The following CNTNAP3 variants were observed in gnomAD, a reference collection of about 807,000 sequenced individuals.
CNTNAP3 encodes the protein contactin-associated protein-like 3.
CNTNAP3 carries 36 observed loss-of-function variants against 92.1 expected under a neutral mutation model. The ratio of observed to expected loss-of-function variants is 0.39; its 90% CI spans 0.30 to 0.52. The LOEUF (loss-of-function observed/expected upper bound fraction) is 0.52. Among genes scored for constraint, CNTNAP3 ranks in the 20% least tolerant of loss-of-function variants. CNTNAP3 has a pLI of 0.76. For synonymous variants in CNTNAP3, 232 were observed against 422.3 expected, an observed-to-expected ratio of 0.55 and a Z score of 5.53; for missense variants, 534 against 1,069.6, an observed-to-expected ratio of 0.50 and a Z score of 6.98.
intron 13 of CNTNAP3, among the ~76,000 whole-genome samples, chr9:39,122,299 G>A (rs1471266777): frequency 6.6e-6 from 1 of 152,260 alleles, no homozygotes; most frequent in Non-Finnish European, 1.5e-5. Flanking sequence ...AGCTTGCAGT[G>A]AGCTGAGATG....
intron 14 of CNTNAP3, among the ~76,000 whole-genome samples, chr9:39,116,585 G>C (rs28396326): frequency 0.21 from 31,162 of 152,008 alleles, 5,216 homozygotes; most frequent in African/African-American, 0.46. Context: ...TGAAACTATG[G>C]ATCAGATCTG....
chr9:39,074,270 C>A (rs549159943), intron 23 of CNTNAP3, among the ~76,000 whole-genome samples: 1 of 151,890 alleles, frequency 6.6e-6, no homozygotes, highest in Admixed American at 6.5e-5. Flanking sequence ...CTAAAGTGAT[C>A]CTCTCACCTT....
intron 12 of CNTNAP3, among the ~76,000 whole-genome samples, chr9:39,135,827 G>A (rs1415400180): frequency 2.6e-5 from 4 of 151,960 alleles, no homozygotes; most frequent in Admixed American, 2.6e-4. Context: ...GAGTAAAAAA[G>A]AAAATAATAA....
intron 21 of CNTNAP3, among the ~76,000 whole-genome samples, chr9:39,081,922 C>CAA (rs760745244): frequency 6.5e-4 from 81 of 123,756 alleles, no homozygotes; most frequent in African/African-American, 2.0e-3. Context: ...ACTAAAAATA[C>CAA]AAAAAAAAAA....
chr9:39,081,772 CAT>C (rs1316089386), intron 21 of CNTNAP3, among the ~76,000 whole-genome samples: 2 of 151,802 alleles, frequency 1.3e-5, no homozygotes, highest in Non-Finnish European at 2.9e-5. Context: ...ACACTAGCCA[CAT>C]GTGACCATTG....
At chr9:39,127,443 G>C (rs1006928713) in intron 13 of CNTNAP3, among the ~76,000 whole-genome samples, 5 of 151,896 alleles carry the variant, frequency 3.3e-5, no homozygotes, top group African/African-American at 1.2e-4. Flanking sequence ...GATTTCAATA[G>C]AATTTGAAAC....
chr9:39,080,998 G>C (rs1330704002), intron 21 of CNTNAP3, among the ~76,000 whole-genome samples: 3 of 141,910 alleles, frequency 2.1e-5, no homozygotes, highest in Non-Finnish European at 3.1e-5. Flanking sequence ...TAAAAACCTT[G>C]AGCAATTGTT....
intron 13 of CNTNAP3, among the ~76,000 whole-genome samples, chr9:39,124,566 G>C (rs1821111817): frequency 6.6e-6 from 1 of 152,144 alleles, no homozygotes; most frequent in African/African-American, 2.4e-5. Context: ...CCATCAGAGT[G>C]AACAGGCAAC....
At chr9:39,081,430 C>T (rs1219274195) in intron 21 of CNTNAP3, among the ~76,000 whole-genome samples, 2 of 151,006 alleles carry the variant, frequency 1.3e-5, no homozygotes, top group South Asian at 2.1e-4. Context: ...TGCACCCAGC[C>T]CCCTTCCAAT....
At chr9:39,146,978 T>C (rs1821718201) in intron 10 of CNTNAP3, among the ~76,000 whole-genome samples, 1 of 152,154 alleles carries the variant, frequency 6.6e-6, no homozygotes. Context: ...GGAGGGAACC[T>C]GTGGGAGGTA....
intron 12 of CNTNAP3, among the ~76,000 whole-genome samples, chr9:39,139,204 C>T (rs1042289493): frequency 6.6e-6 from 1 of 152,074 alleles, no homozygotes; most frequent in African/African-American, 2.4e-5. Flanking sequence ...GTAGATACTT[C>T]CCTAACCAAC....
intron 9 of CNTNAP3, chr9:39,153,961 A>G (rs1821897016): frequency 5.7e-6 from 1 of 175,998 alleles, no homozygotes; most frequent in African/African-American, 2.6e-5. Context: ...AACATTTTCC[A>G]TTTATCTGGC....
At chr9:39,081,468 T>G (rs950350389) in intron 21 of CNTNAP3, among the ~76,000 whole-genome samples, 1 of 150,156 alleles carries the variant, frequency 6.7e-6, no homozygotes, top group Non-Finnish European at 1.5e-5. Flanking sequence ...CAAAGCCTGC[T>G]CCCGAGTAAA....
chr9:39,108,372 A>G (rs114000459), intron 15 of CNTNAP3, among the ~76,000 whole-genome samples: 7,707 of 152,186 alleles, frequency 0.051, 221 homozygotes, highest in South Asian at 0.094. Context: ...ACTGCTTGGT[A>G]TTAGGGGATG....
At chr9:39,082,432 C>T (rs973992152) in intron 21 of CNTNAP3, among the ~76,000 whole-genome samples, 7 of 151,430 alleles carry the variant, frequency 4.6e-5, no homozygotes, top group African/African-American at 1.7e-4. Flanking sequence ...CAATAAAGGA[C>T]TAATTGATAT....
intron 12 of CNTNAP3, among the ~76,000 whole-genome samples, chr9:39,133,704 C>CATCT (rs1821360450): frequency 6.6e-6 from 1 of 151,978 alleles, no homozygotes; most frequent in South Asian, 2.1e-4. Context: ...TGACCCTGAG[C>CATCT]ATCTGACTGC....
At position 39,103,644 on chromosome 9, in the gene CNTNAP3, G is replaced by A. The variant is rs553638339; in HGVS notation, c.2536+100C>T. ...AAGTTTAGTATTTTATAATGAAATA[G>A]AATCACAAAATAAGAATGAAATACT... On this transcript the variant is annotated intron_variant, in intron 16 of 23. Transcript: ENST00000297668. 31 of 1,302,760 alleles carry A rather than the reference G, an allele frequency of 2.4e-5. No individual in the cohort carries two copies. The South Asian group carries it at 4.3e-4, about 18-fold the overall frequency. The allele number at this position is 1,302,760 out of a possible 1,614,324, so 80.7% of individuals were successfully genotyped here.
At chr9:39,143,604 A>G (rs558517729) in intron 11 of CNTNAP3, among the ~76,000 whole-genome samples, 1 of 152,316 alleles carries the variant, frequency 6.6e-6, no homozygotes, top group African/African-American at 2.4e-5. Flanking sequence ...ATATATGCAA[A>G]GCAATAGCAG....
Position 39,140,624 on chromosome 9 carries a change from A to G in CNTNAP3, c.1771T>C (p.Ser591Pro). 1 of 1,611,526 alleles carries G rather than the reference A, an allele frequency of 6.2e-7. No homozygotes were observed. Among genetic ancestry groups the G allele is most frequent in the African/African-American group, 1.3e-5 (1 of 74,888 alleles). The change falls in exon 12 of 24, where the codon TCT becomes CCT. Residue 591 changes from serine to proline, a missense_variant. Transcript: ENST00000297668. ...ETCHSSLYEQ[S>P]CEAHKHRGNP... ...CCTCGGTGCTTGTGGGCTTCACAAGACTGCTCGTAGAGAGCTGTAGGAGAA... is the reference window on the plus strand; with the variant it reads ...CCTCGGTGCTTGTGGGCTTCACAAGGCTGCTCGTAGAGAGCTGTAGGAGAA...
Sources: gnomAD v4.1 joint callset for allele counts (sites outside exome capture counted in the v4.1 genomes callset) on GRCh38, gnomAD v4.1.1 for gene constraint, MANE v1.5 for transcripts, NCBI Gene and HGNC (gene_info 2026-07-23, HGNC 2026-07-21) for gene names.